Variants in MACROD2 observed in about 807,000 individuals in gnomAD.
MACROD2 encodes the protein ADP-ribose glycohydrolase MACROD2.
In MACROD2, 36 loss-of-function variants were observed where a neutral mutation model predicts 70.4. That is an observed-to-expected ratio of 0.51 (90% CI 0.39 to 0.68). The LOEUF (loss-of-function observed/expected upper bound fraction) is 0.68, where lower values mean the gene tolerates loss of function less well. Ranked by LOEUF, MACROD2 falls within the 30% of genes least tolerant of loss-of-function variation. The pLI is 0.00. For synonymous variants in MACROD2, 172 were observed against 178.8 expected (o/e 0.96, Z 0.30); for missense variants, 496 against 538.4 (o/e 0.92, Z 0.78).
At chr20:14,807,529 C>T (rs924231892) in intron 5 of MACROD2, among the ~76,000 whole-genome samples, 1 of 152,108 alleles carries the variant, frequency 6.6e-6, no homozygotes, top group Non-Finnish European at 1.5e-5. Context: ...CACAATGCCT[C>T]TTCTCCTCCA....
At chr20:15,651,213 A>G (rs557394596) in intron 8 of MACROD2, among the ~76,000 whole-genome samples, 164 of 152,338 alleles carry the variant, frequency 1.1e-3, no homozygotes, top group African/African-American at 3.9e-3. Context: ...GGTTGATGCC[A>G]AAGAGTTCAG....
At chr20:15,332,122 T>C (rs978270754) in intron 6 of MACROD2, among the ~76,000 whole-genome samples, 22 of 151,552 alleles carry the variant, frequency 1.5e-4, no homozygotes, top group East Asian at 1.9e-4. Context: ...TTTGAACTGA[T>C]AGTGTGGGCT....
rs377214491 is a variant in MACROD2 at position 15,795,973 on chromosome 20, G to A, written c.646-66772G>A. Among the ~76,000 whole-genome samples, 216 of 152,196 alleles carry A rather than the reference G, an allele frequency of 1.4e-3. 1 individual carries two copies. Among genetic ancestry groups the A allele is most frequent in the African/African-American group, 4.7e-3 (193 of 41,500 alleles). The stretch of plus-strand genomic sequence containing the variant: ...GGTCATAAGAGGCTGGGAGATCTTC[G>A]GAGAGACATTTCTCAACCTGTAGAC... On this transcript the variant is annotated intron_variant, in intron 8 of 17. Coordinates refer to ENST00000684519, the MANE Select transcript of MACROD2 (RefSeq NM_001351661.2).
chr20:14,590,042 C>T (rs1981657943), intron 4 of MACROD2, among the ~76,000 whole-genome samples: 1 of 152,048 alleles, frequency 6.6e-6, no homozygotes, highest in Admixed American at 6.6e-5. Context: ...GGATATTAGA[C>T]AGTTTTTTCT....
rs577112228 is a variant in MACROD2 at position 14,294,643 on chromosome 20, A to G, written c.272-198836A>G. On this transcript the variant is annotated intron_variant, in intron 3 of 17. Coordinates refer to ENST00000684519, the MANE Select transcript of MACROD2 (RefSeq NM_001351661.2). ...AAATTAGCTACGGCATAACGTGTAT[A>G]TCATAGAAGCAAACAACATTATTCC... Among the ~76,000 whole-genome samples the G allele has an allele frequency of 2.0e-5, 3 of 151,966 alleles. No individual in the cohort carries two copies. The South Asian group carries it at 6.2e-4, about 32-fold the overall frequency.
intron 5 of MACROD2, among the ~76,000 whole-genome samples, chr20:15,220,048 G>T (rs893043945): frequency 4.8e-5 from 7 of 146,822 alleles, no homozygotes; most frequent in African/African-American, 1.7e-4. Context: ...TTTTGTTAAA[G>T]AGTGTGATAG....
At chr20:14,785,224 C>T (rs2072353915) in intron 5 of MACROD2, among the ~76,000 whole-genome samples, 1 of 151,942 alleles carries the variant, frequency 6.6e-6, no homozygotes, top group South Asian at 2.1e-4. Context: ...TAAGAGCAAT[C>T]ATTTTAGGAG....
At chr20:14,546,902 G>C (rs1447963186) in intron 4 of MACROD2, among the ~76,000 whole-genome samples, 2 of 151,652 alleles carry the variant, frequency 1.3e-5, no homozygotes, top group Non-Finnish European at 2.9e-5. Flanking sequence ...TATAGTAGGT[G>C]CTCACCCAAT....
chr20:15,907,905 T>G (rs2065172136), intron 10 of MACROD2, among the ~76,000 whole-genome samples: 1 of 152,226 alleles, frequency 6.6e-6, no homozygotes, highest in Admixed American at 6.5e-5. Flanking sequence ...CTGCATTGAC[T>G]GGACTCCCTC....
At chr20:15,942,685 GTTA>G (rs1417316120) in intron 12 of MACROD2, among the ~76,000 whole-genome samples, 2 of 152,120 alleles carry the variant, frequency 1.3e-5, no homozygotes, top group Admixed American at 1.3e-4. Flanking sequence ...CTTTTACAAA[GTTA>G]TTATTATTAC....
chr20:14,451,110 G>C (rs2084240207), intron 3 of MACROD2, among the ~76,000 whole-genome samples: 1 of 152,038 alleles, frequency 6.6e-6, no homozygotes, highest in Admixed American at 6.5e-5. Context: ...GTAGAGGCTT[G>C]GTGAAGTGAG....
intron 12 of MACROD2, among the ~76,000 whole-genome samples, chr20:15,949,715 G>GGTGCCTAGATAAGACCTAGAATGA (rs2065879290): frequency 1.3e-5 from 2 of 152,066 alleles, no homozygotes; most frequent in Admixed American, 6.6e-5. Context: ...ACCTAGAATG[G>GGTGCCTAGATAAGACCTAGAATGA]AAGGTGCCTA....
intron 4 of MACROD2, among the ~76,000 whole-genome samples, chr20:14,620,497 T>C (rs1983766181): frequency 6.6e-6 from 1 of 152,126 alleles, no homozygotes; most frequent in African/African-American, 2.4e-5. Context: ...AAAAAAGTTT[T>C]CTTTTGTTTA....
chr20:15,733,235 T>TA (rs1405945370), intron 8 of MACROD2, among the ~76,000 whole-genome samples: 1 of 151,990 alleles, frequency 6.6e-6, no homozygotes, highest in Non-Finnish European at 1.5e-5. Context: ...TAATTTGTTC[T>TA]TTTTTTTCTC....
chr20:14,207,253 A>G (rs1165300602), intron 3 of MACROD2, among the ~76,000 whole-genome samples: 1 of 151,866 alleles, frequency 6.6e-6, no homozygotes, highest in Non-Finnish European at 1.5e-5. Context: ...ACATGCCCCT[A>G]CGCCCAGCTA....
At chr20:15,817,828 A>C (rs1600941287) in intron 8 of MACROD2, among the ~76,000 whole-genome samples, 1 of 152,288 alleles carries the variant, frequency 6.6e-6, no homozygotes, top group South Asian at 2.1e-4. Context: ...AATTAGTTTC[A>C]GAATAAAGCG....
intron 3 of MACROD2, among the ~76,000 whole-genome samples, chr20:14,130,476 G>A (rs368970033): frequency 6.6e-6 from 1 of 152,026 alleles, no homozygotes; most frequent in Non-Finnish European, 1.5e-5. Flanking sequence ...GAACCCAGGA[G>A]GAGGTTGCAG....
At chr20:14,496,811 G>A (rs1318076895) in intron 4 of MACROD2, among the ~76,000 whole-genome samples, 2 of 151,734 alleles carry the variant, frequency 1.3e-5, no homozygotes, top group Non-Finnish European at 2.9e-5. Context: ...TGACTGAATT[G>A]TACTTTTCAG....
intron 3 of MACROD2, among the ~76,000 whole-genome samples, chr20:14,140,339 A>T (rs2054854213): frequency 6.6e-6 from 1 of 152,212 alleles, no homozygotes; most frequent in Admixed American, 6.5e-5. Context: ...CATGTAAATG[A>T]TAAACTTTTT....
Sources: allele counts gnomAD v4.1 joint callset (sites outside exome capture counted in the v4.1 genomes callset), GRCh38; gene constraint gnomAD v4.1.1; transcripts MANE v1.5; gene names NCBI Gene and HGNC (gene_info 2026-07-23, HGNC 2026-07-21).